Variants in TRARG1 observed in about 807,000 individuals in gnomAD.
TRARG1 encodes trafficking regulator of GLUT4 1.
A neutral mutation model predicts 13.3 loss-of-function variants in TRARG1; 16 were observed. The observed-to-expected ratio is 1.20, with a 90% CI of 0.81 to 1.83. The LOEUF (loss-of-function observed/expected upper bound fraction) is 1.83, where lower values mean the gene tolerates loss of function less well. TRARG1 is among the 40% of genes most tolerant of loss of function. TRARG1 has a pLI of 0.00. For synonymous variants in TRARG1, 113 were observed against 106.2 expected, an observed-to-expected ratio of 1.06 and a Z score of -0.39; for missense variants, 250 against 237.4, an observed-to-expected ratio of 1.05 and a Z score of -0.35.
intron 2 of TRARG1, among the ~76,000 whole-genome samples, chr17:1,296,381 G>C (rs899867666): frequency 1.7e-4 from 26 of 151,804 alleles, no homozygotes; most frequent in African/African-American, 5.6e-4. Flanking sequence ...ATTTTTAGTA[G>C]AGACGGTTTC....
chr17:1,282,253 T>TACGTATATGTACATATATGC (rs1247915999), intron 1 of TRARG1, among the ~76,000 whole-genome samples: 1 of 105,462 alleles, frequency 9.5e-6, no homozygotes, highest in African/African-American at 3.3e-5. Flanking sequence ...CACGTATATG[T>TACGTATATGTACATATATGC]ACGTATATGT....
At position 1,286,857 on chromosome 17, in the gene TRARG1, G is replaced by A. The variant is rs114937193; in HGVS notation, c.387+6469G>A. On this transcript the variant is annotated intron_variant, in intron 1 of 2. Coordinates refer to ENST00000333813, the MANE Select transcript of TRARG1 (RefSeq NM_172367.3). ...TGTCGGCCTGTGGGGTGTTGTTGTC[G>A]GCCTGTGGAGTGTTGTTATTGGCCA... is the stretch of plus-strand genomic sequence containing the variant. Among the ~76,000 whole-genome samples, 883 of 142,360 alleles carry A rather than the reference G, an allele frequency of 6.2e-3. 8 individuals are homozygous for A. The highest frequency in any genetic ancestry group is 0.02 in the African/African-American group (767 of 39,178). The allele number at this position is 142,360 out of a possible 152,430, so 93.4% of individuals were successfully genotyped here.
rs9909666 is a variant in TRARG1 at position 1,299,134 on chromosome 17, G to T, written c.*870G>T. The T allele has an allele frequency of 0.28, 42,130 of 152,220 alleles. 6,474 individuals are homozygous for T. The highest frequency in any genetic ancestry group is 0.44 in the South Asian group (2,138 of 4,820). 9.4% of individuals were successfully genotyped at this position (152,220 alleles called of 1,614,324 possible). ...CCGAGGTCTGAGCTCTCGTCCTGCC[G>T]TGGCCCCCGCGATGGCCTGGGGTGC... On this transcript the variant is annotated 3_prime_UTR_variant, in exon 3 of 3. Coordinates refer to ENST00000333813, the MANE Select transcript of TRARG1 (RefSeq NM_172367.3).
intron 1 of TRARG1, among the ~76,000 whole-genome samples, chr17:1,295,279 G>A (rs1156996147): frequency 6.6e-6 from 1 of 152,230 alleles, no homozygotes; most frequent in Non-Finnish European, 1.5e-5. Context: ...CCCAGCTGGT[G>A]AGGGACAGGC....
At position 1,280,112 on chromosome 17, in the gene TRARG1, T is replaced by A. The variant is rs560160029; in HGVS notation, c.111T>A (p.Asp37Glu). Reference protein sequence around the residue: ...EILLTKAENKDDKTLNLSKTL... With the variant: ...EILLTKAENKEDKTLNLSKTL... ...TCCTCACCAAGGCAGAGAACAAGGA[T>A]GACAAGACCCTGAATCTGTCCAAGA... Residue 37 changes from aspartate to glutamate, a missense_variant, in exon 1 of 3, where the codon GAT becomes GAA. By Grantham distance (45) the Asp-to-Glu change is conservative. Coordinates refer to ENST00000333813, the MANE Select transcript of TRARG1 (RefSeq NM_172367.3). 1.2e-6 allele frequency: 2 copies of A among 1,613,676 alleles called. No homozygotes were observed. The highest frequency in any genetic ancestry group is 1.7e-6 in the Non-Finnish European group (2 of 1,180,036).
intron 1 of TRARG1, among the ~76,000 whole-genome samples, chr17:1,282,688 GGTTTT>G (rs1353341139): frequency 4.0e-5 from 6 of 148,800 alleles, no homozygotes; most frequent in East Asian, 4.0e-4. Flanking sequence ...ATTCTTTAAA[GGTTTT>G]GTTTTGTTTT....
In TRARG1 at chr17:1,298,701, T is replaced by C. The variant is rs568349341; in HGVS notation, c.*437T>C. On this transcript the variant is annotated 3_prime_UTR_variant, in exon 3 of 3. Transcript: ENST00000333813. ...CTCGGAGCAAAGACGTGGGGCCCCA[T>C]CTTTTGTGTTTTCCTCAAGCGGGGA... 2.2e-5 allele frequency: 4 copies of C among 179,606 alleles called. No homozygotes were observed. Among genetic ancestry groups the C allele is most frequent in the African/African-American group, 9.4e-5 (4 of 42,548 alleles). 11.1% of individuals were successfully genotyped at this position (179,606 alleles called of 1,614,324 possible).
intron 1 of TRARG1, among the ~76,000 whole-genome samples, chr17:1,285,032 G>A (rs577675071): frequency 3.9e-5 from 6 of 152,246 alleles, no homozygotes; most frequent in African/African-American, 1.4e-4. Flanking sequence ...GGAAGCAGAT[G>A]GATGGGATAA....
At chr17:1,298,112 G>C in intron 2 of TRARG1, 139 bp from the exon 3 acceptor site, 1 of 973,958 alleles carries the variant, frequency 1.0e-6, no homozygotes, top group Non-Finnish European at 1.5e-6. Context: ...AACCAAAGAG[G>C]TTCCCAAGCC....
chr17:1,283,895 G>A (rs765046191), intron 1 of TRARG1, among the ~76,000 whole-genome samples: 15 of 152,082 alleles, frequency 9.9e-5, no homozygotes, highest in Non-Finnish European at 1.8e-4. Context: ...GGCAGATCAC[G>A]AGGTCAGGAG....
chr17:1,287,170 A>C (rs1029516814), intron 1 of TRARG1, among the ~76,000 whole-genome samples: 2 of 151,924 alleles, frequency 1.3e-5, no homozygotes, highest in Non-Finnish European at 2.9e-5. Flanking sequence ...AGGAGGAATC[A>C]GGTCAGGGGA....
At chr17:1,290,839 A>C (rs1156453829) in intron 1 of TRARG1, among the ~76,000 whole-genome samples, 1 of 151,482 alleles carries the variant, frequency 6.6e-6, no homozygotes, top group East Asian at 1.9e-4. Context: ...TCATTGAATC[A>C]TGGGGGTGGT....
intron 1 of TRARG1, among the ~76,000 whole-genome samples, chr17:1,280,786 G>A (rs756104943): frequency 6.6e-6 from 1 of 152,168 alleles, no homozygotes; most frequent in Non-Finnish European, 1.5e-5. Context: ...GGTTGCACCG[G>A]ACGGGGGTCC....
intron 1 of TRARG1, among the ~76,000 whole-genome samples, chr17:1,294,309 A>C (rs1233627512): frequency 6.6e-6 from 1 of 152,074 alleles, no homozygotes; most frequent in African/African-American, 2.4e-5. Flanking sequence ...GAGGAGTGAT[A>C]CATAAAACAA....
In TRARG1 at chr17:1,298,358, A is replaced by G. The variant is rs2072127746; in HGVS notation, c.*94A>G. 1 of 1,402,772 alleles carries G rather than the reference A, an allele frequency of 7.1e-7. No homozygotes were observed. The highest frequency in any genetic ancestry group is 9.9e-7 in the Non-Finnish European group (1 of 1,014,410). The allele number at this position is 1,402,772 out of a possible 1,614,324, so 86.9% of individuals were successfully genotyped here. On this transcript the variant is annotated 3_prime_UTR_variant, in exon 3 of 3. Coordinates refer to ENST00000333813, the MANE Select transcript of TRARG1 (RefSeq NM_172367.3). ...CGGGAGGCCAGGGTGCTGACTGTCA[A>G]GCATCCCCTGTCCCCAAGTTCCAAA... is the stretch of plus-strand genomic sequence containing the variant.
At chr17:1,283,335 G>T (rs139166243) in intron 1 of TRARG1, among the ~76,000 whole-genome samples, 1 of 152,142 alleles carries the variant, frequency 6.6e-6, no homozygotes, top group Middle Eastern at 3.2e-3. Flanking sequence ...CAGGATAATG[G>T]GTACGTAAGT....
chr17:1,298,258 G>T lies in TRARG1; in HGVS notation c.528G>T (p.Lys176Asn), dbSNP rs768705249. ...TGTTTTTTTTCTTTACAGTTCAGAA[G>T]AAATAAACTTAAGCAGGGAGCTGGG... is the stretch of plus-strand genomic sequence containing the variant. Reference protein sequence around the residue: ...VAVTVNFTVQKK With the variant: ...VAVTVNFTVQNK The change falls in exon 3 of 3, where the codon AAG becomes AAT. Residue 176 changes from lysine to asparagine, a missense_variant. By Grantham distance (94) the Lys-to-Asn change is moderately conservative. Coordinates refer to ENST00000333813, the MANE Select transcript of TRARG1 (RefSeq NM_172367.3). 1 of 1,613,724 alleles carries T rather than the reference G, an allele frequency of 6.2e-7. No homozygotes were observed. Among genetic ancestry groups the T allele is most frequent in the Non-Finnish European group, 8.5e-7 (1 of 1,179,830 alleles).
intron 1 of TRARG1, among the ~76,000 whole-genome samples, chr17:1,282,053 T>A (rs1380506120): frequency 1.5e-5 from 2 of 133,822 alleles, no homozygotes; most frequent in Non-Finnish European, 3.2e-5. Flanking sequence ...TATGTACACA[T>A]ATGTACATGT....
rs1228867276 is a variant in TRARG1, at chr17:1,279,745, A to G, written c.-257A>G. 2.1e-6 allele frequency: 1 copy of G among 465,530 alleles called. No homozygotes were observed. The highest frequency in any genetic ancestry group is 3.8e-6 in the Non-Finnish European group (1 of 262,256). 28.8% of individuals were successfully genotyped at this position (465,530 alleles called of 1,614,324 possible). A position where few individuals can be genotyped will look rare whatever the true frequency, so the allele number is the denominator to read the frequency against. On this transcript the variant is annotated 5_prime_UTR_variant, in exon 1 of 3. Coordinates refer to ENST00000333813, the MANE Select transcript of TRARG1 (RefSeq NM_172367.3). Reference sequence around the variant, plus strand: ...GCAGCACCAGCAAAGTTGGCCTCAAACTTGAACAAAGCTGCAGGCTCCAGC... The same window carrying G: ...GCAGCACCAGCAAAGTTGGCCTCAAGCTTGAACAAAGCTGCAGGCTCCAGC...
Sources: gnomAD v4.1 joint callset for allele counts (sites outside exome capture counted in the v4.1 genomes callset) on GRCh38, gnomAD v4.1.1 for gene constraint, MANE v1.5 for transcripts, NCBI Gene and HGNC (gene_info 2026-07-23, HGNC 2026-07-21) for gene names.